The following KSR2 variants were observed in gnomAD, a reference collection of about 807,000 sequenced individuals.
KSR2 encodes the protein kinase suppressor of ras 2.
A neutral mutation model predicts 107.8 loss-of-function variants in KSR2; 25 were observed. The observed-to-expected ratio is 0.23, with a 90% CI of 0.17 to 0.32. The LOEUF is 0.32. KSR2 is among the 10% of genes least tolerant of loss of function. The pLI is 1.00. For synonymous variants in KSR2, 480 were observed against 507.0 expected, an observed-to-expected ratio of 0.95 and a Z score of 0.71; for missense variants, 887 against 1,268.9, an observed-to-expected ratio of 0.70 and a Z score of 4.57.
At chr12:117,947,046 G>A (rs549380904) in intron 1 of KSR2, among the ~76,000 whole-genome samples, 12 of 151,812 alleles carry the variant, frequency 7.9e-5, no homozygotes, top group Admixed American at 7.2e-4. Flanking sequence ...GTGCATGCCT[G>A]TAATCCCAGC....
chr12:117,692,449 C>CATATATAT (rs57091494), intron 4 of KSR2, among the ~76,000 whole-genome samples: 1 of 84,286 alleles, frequency 1.2e-5, no homozygotes, highest in African/African-American at 4.4e-5. Flanking sequence ...CAACTTCACT[C>CATATATAT]ATATATATAT....
intron 14 of KSR2, among the ~76,000 whole-genome samples, chr12:117,495,732 C>G (rs1005999913): frequency 2.0e-5 from 3 of 152,174 alleles, no homozygotes; most frequent in African/African-American, 7.2e-5. Flanking sequence ...TTCTTCTCCC[C>G]AGAACTGAAT....
intron 1 of KSR2, among the ~76,000 whole-genome samples, chr12:117,887,969 A>T (rs1248672128): frequency 6.6e-6 from 1 of 152,212 alleles, no homozygotes; most frequent in Non-Finnish European, 1.5e-5. Context: ...GGCTGCTCAG[A>T]TGAGCAAGAA....
chr12:117,759,166 G>T (rs751461597), intron 4 of KSR2, among the ~76,000 whole-genome samples: 5 of 152,196 alleles, frequency 3.3e-5, no homozygotes, highest in African/African-American at 4.8e-5. Context: ...GTCAATCACT[G>T]TAGGGCATTC....
chr12:117,929,310 T>G (rs1216640831), intron 1 of KSR2, among the ~76,000 whole-genome samples: 1 of 152,206 alleles, frequency 6.6e-6, no homozygotes, highest in Non-Finnish European at 1.5e-5. Flanking sequence ...AATTGAATCA[T>G]GGGGGTGGTT....
At chr12:117,793,010 C>T (rs1290391245) in intron 3 of KSR2, among the ~76,000 whole-genome samples, 3 of 146,326 alleles carry the variant, frequency 2.1e-5, no homozygotes, top group African/African-American at 7.7e-5. Flanking sequence ...CACACACCAA[C>T]AGTACGCACT....
intron 10 of KSR2, among the ~76,000 whole-genome samples, chr12:117,538,686 A>C (rs553537021): frequency 1.0e-3 from 158 of 152,332 alleles, no homozygotes; most frequent in African/African-American, 3.6e-3. Flanking sequence ...GTGGCTACTG[A>C]GCCCTTGCAA....
intron 4 of KSR2, among the ~76,000 whole-genome samples, chr12:117,695,563 T>C (rs1431961716): frequency 2.3e-5 from 3 of 131,176 alleles, no homozygotes; most frequent in Non-Finnish European, 3.2e-5. Flanking sequence ...AAAAAAAAAT[T>C]AGCTGGATGG....
intron 4 of KSR2, among the ~76,000 whole-genome samples, chr12:117,738,612 T>C (rs1232919881): frequency 6.6e-6 from 1 of 152,146 alleles, no homozygotes; most frequent in South Asian, 2.1e-4. Flanking sequence ...TGGTGGCTCA[T>C]GCCTGTAATC....
At chr12:117,745,407 C>CT (rs1420932350) in intron 4 of KSR2, among the ~76,000 whole-genome samples, 1 of 152,104 alleles carries the variant, frequency 6.6e-6, no homozygotes, top group Non-Finnish European at 1.5e-5. Context: ...GAAGAAATGA[C>CT]TTATGGAGTA....
At chr12:117,676,614 G>C (rs1246201001) in intron 4 of KSR2, among the ~76,000 whole-genome samples, 1 of 152,142 alleles carries the variant, frequency 6.6e-6, no homozygotes, top group African/African-American at 2.4e-5. Context: ...CTATAGTATA[G>C]ATCCCACCCA....
chr12:117,767,903 G>A (rs964947963), intron 3 of KSR2, among the ~76,000 whole-genome samples: 7 of 152,064 alleles, frequency 4.6e-5, no homozygotes, highest in Admixed American at 1.3e-4. Context: ...CGGTGTGACT[G>A]ATCCCCTTGC....
chr12:117,922,793 G>A (rs1895381472), intron 1 of KSR2, among the ~76,000 whole-genome samples: 1 of 152,186 alleles, frequency 6.6e-6, no homozygotes, highest in African/African-American at 2.4e-5. Context: ...GCTCACAATT[G>A]AGTGGAGAAT....
At position 117,537,497 on chromosome 12, in the gene KSR2, C is replaced by T. The variant is rs12579087; in HGVS notation, c.1687+2222G>A. 5.2e-4 allele frequency among the ~76,000 whole-genome samples: 79 copies of T among 152,298 alleles called. 1 individual carries two copies. The East Asian group carries it at 0.012, about 22-fold the overall frequency. ...TGCTAAGCTTTGTCCATGTATTATG[C>T]CATTTCTTTCTAAAACAATTATCTA... On this transcript the variant is annotated intron_variant, in intron 10 of 19. Transcript: ENST00000339824.
intron 14 of KSR2, among the ~76,000 whole-genome samples, chr12:117,492,841 C>A (rs1458791972): frequency 6.6e-6 from 1 of 152,050 alleles, no homozygotes; most frequent in African/African-American, 2.4e-5. Context: ...CCCACCATCG[C>A]TGACTTTGAA....
At position 117,462,038 on chromosome 12, in the gene KSR2, G is replaced by A. The variant is rs1322975182; in HGVS notation, c.*5161C>T. Reference sequence around the variant, plus strand: ...TGTTCCCATACAGCCACAGAACTGAGATCCAGAGCTGTTGGAATTCAGTGA... The same window carrying A: ...TGTTCCCATACAGCCACAGAACTGAAATCCAGAGCTGTTGGAATTCAGTGA... On this transcript the variant is annotated 3_prime_UTR_variant, in exon 20 of 20. Transcript: ENST00000339824. The A allele has an allele frequency of 6.6e-6, 1 of 152,068 alleles. No individual in the cohort carries two copies. The highest frequency in any genetic ancestry group is 2.4e-5 in the African/African-American group (1 of 41,390). The allele number at this position is 152,068 out of a possible 1,614,324, so 9.4% of individuals were successfully genotyped here.
chr12:117,703,344 A>G (rs958622441), intron 4 of KSR2, among the ~76,000 whole-genome samples: 1 of 152,182 alleles, frequency 6.6e-6, no homozygotes, highest in African/African-American at 2.4e-5. Context: ...TGAGGTGCCT[A>G]GGATACTAAA....
At position 117,693,404 on chromosome 12, in the gene KSR2, T is replaced by C. The variant is rs138441907; in HGVS notation, c.987-25746A>G. Among the ~76,000 whole-genome samples the C allele has an allele frequency of 2.0e-5, 3 of 152,304 alleles. No individual in the cohort carries two copies. In the East Asian group the frequency reaches 5.8e-4, roughly 29 times the overall value. Reference sequence around the variant, plus strand: ...CACCCTCCATGGAAGCCTAGAGGATTGTGCTGACTTGGTAGAACATTCCTA... The same window carrying C: ...CACCCTCCATGGAAGCCTAGAGGATCGTGCTGACTTGGTAGAACATTCCTA... On this transcript the variant is annotated intron_variant, in intron 4 of 19. Coordinates refer to ENST00000339824, the MANE Select transcript of KSR2 (RefSeq NM_173598.6).
intron 1 of KSR2, among the ~76,000 whole-genome samples, chr12:117,895,580 G>GT (rs1028988704): frequency 6.6e-6 from 1 of 152,130 alleles, no homozygotes; most frequent in African/African-American, 2.4e-5. Flanking sequence ...AACACAGACT[G>GT]TAACAAGTAT....
Sources: gnomAD v4.1 joint callset for allele counts (sites outside exome capture counted in the v4.1 genomes callset) on GRCh38, gnomAD v4.1.1 for gene constraint, MANE v1.5 for transcripts, NCBI Gene and HGNC (gene_info 2026-07-23, HGNC 2026-07-21) for gene names.